Variants in OSBPL9 observed in about 807,000 individuals in gnomAD.
OSBPL9 encodes the protein oxysterol-binding protein-related protein 9.
Under a neutral mutation model 106.6 loss-of-function variants are expected in OSBPL9, and 40 were observed. The ratio of observed to expected loss-of-function variants is 0.38; its 90% CI spans 0.29 to 0.49. OSBPL9 has a LOEUF of 0.49. Ranked by LOEUF, OSBPL9 falls within the 20% of genes least tolerant of loss-of-function variation. The pLI is 0.97. For synonymous variants in OSBPL9, 269 were observed against 295.4 expected (o/e 0.91, Z 0.92); for missense variants, 609 against 887.2 (o/e 0.69, Z 3.98).
At chr1:51,744,057 T>C (rs1321464820) in intron 4 of OSBPL9, among the ~76,000 whole-genome samples, 1 of 152,210 alleles carries the variant, frequency 6.6e-6, no homozygotes. Context: ...TTTCTTGATA[T>C]GTATGTAAAA....
intron 1 of OSBPL9, among the ~76,000 whole-genome samples, chr1:51,641,440 A>G (rs982495432): frequency 1.3e-5 from 2 of 152,190 alleles, no homozygotes; most frequent in Non-Finnish European, 2.9e-5. Flanking sequence ...ATGTATTCCT[A>G]TAAATACATG....
At chr1:51,721,396 A>G (rs1170061699) in intron 4 of OSBPL9, among the ~76,000 whole-genome samples, 1 of 152,236 alleles carries the variant, frequency 6.6e-6, no homozygotes, top group Non-Finnish European at 1.5e-5. Context: ...CATTATCAAT[A>G]GAGACATTGT....
chr1:51,534,183 G>T, the OSBPL9 span, among the ~76,000 whole-genome samples: 2 of 150,384 alleles, frequency 1.3e-5, no homozygotes, highest in Non-Finnish European at 3.0e-5. Flanking sequence ...CAGCCTGGGC[G>T]ATAGAGTGAG....
At chr1:51,725,826 A>G (rs572760480) in intron 4 of OSBPL9, among the ~76,000 whole-genome samples, 130 of 152,206 alleles carry the variant, frequency 8.5e-4, no homozygotes, top group Non-Finnish European at 1.3e-3. Flanking sequence ...CCCCCTGCCC[A>G]TATTACTACA....
At chr1:51,712,284 C>G (rs542025984) in intron 3 of OSBPL9, among the ~76,000 whole-genome samples, 270 of 152,298 alleles carry the variant, frequency 1.8e-3, no homozygotes, top group Non-Finnish European at 3.3e-3. Flanking sequence ...CGCCTGCAAT[C>G]GCAGGCACTC....
chr1:51,663,280 G>A (rs752982515), intron 2 of OSBPL9, among the ~76,000 whole-genome samples: 19 of 143,930 alleles, frequency 1.3e-4, no homozygotes, highest in Admixed American at 2.9e-4. Flanking sequence ...AGTCATTTGA[G>A]TCATTATGCT....
At chr1:51,571,486 T>A in the OSBPL9 span, among the ~76,000 whole-genome samples, 1 of 152,008 alleles carries the variant, frequency 6.6e-6, no homozygotes. Context: ...GGCAACATAA[T>A]GAGACCTTGT....
chr1:51,580,927 T>A (rs1213984139), intron 1 of OSBPL9, among the ~76,000 whole-genome samples: 1 of 1,610 alleles, frequency 6.2e-4, no homozygotes, highest in Non-Finnish European at 1.5e-3. Context: ...TATATATATA[T>A]ATATATATAT....
rs372166331 is a variant in OSBPL9, at chr1:51,723,011, T to C, written c.318+8932T>C. Among the ~76,000 whole-genome samples the C allele has an allele frequency of 4.7e-4, 71 of 152,338 alleles. 3 individuals are homozygous for C. The South Asian group carries it at 0.012, about 25-fold the overall frequency. ...ACAACAACTTTATTTTTTAGAGCAG[T>C]TTGAGGTTCACAGCAAAATTGAGCA... On this transcript the variant is annotated intron_variant, in intron 4 of 23. Transcript: ENST00000428468.
chr1:51,768,827 AC>A (rs1673205925), intron 12 of OSBPL9, among the ~76,000 whole-genome samples: 1 of 152,152 alleles, frequency 6.6e-6, no homozygotes, highest in Admixed American at 6.5e-5. Context: ...CTCTCCCAGT[AC>A]CCTGTCCCAT....
intron 2 of OSBPL9, among the ~76,000 whole-genome samples, chr1:51,663,845 T>A (rs1374154349): frequency 1.3e-5 from 2 of 152,208 alleles, no homozygotes; most frequent in Non-Finnish European, 2.9e-5. Flanking sequence ...CTTAAACTAT[T>A]TCACAAAAGA....
intron 2 of OSBPL9, among the ~76,000 whole-genome samples, chr1:51,659,935 T>C (rs977277412): frequency 1.3e-5 from 2 of 152,110 alleles, no homozygotes; most frequent in Non-Finnish European, 2.9e-5. Flanking sequence ...AGTTTTTAAC[T>C]GAAACTATGG....
In OSBPL9 at chr1:51,667,570, GT is replaced by G. The variant is rs544097148; in HGVS notation, c.163-1860del. On this transcript the variant is annotated intron_variant, in intron 2 of 23. Transcript: ENST00000428468. ...CTGTATTATAGTCACCTCTTTGCAT[GT>G]TTTATCTCCTGTACTGGATATAAGT... Among the ~76,000 whole-genome samples, 206 of 152,242 alleles carry G rather than the reference GT, an allele frequency of 1.4e-3. 2 individuals are homozygous for G. The Middle Eastern group carries it at 0.017, about 13-fold the overall frequency.
intron 1 of OSBPL9, among the ~76,000 whole-genome samples, chr1:51,579,701 A>G (rs914194126): frequency 3.9e-5 from 6 of 152,000 alleles, no homozygotes; most frequent in African/African-American, 1.4e-4. Context: ...TCTCTACAAA[A>G]AATAGAAAAA....
Position 51,761,849 on chromosome 1 carries a change from T to C in OSBPL9, c.674-18T>C. On this transcript the variant is annotated intron_variant, in intron 10 of 23. Coordinates refer to ENST00000428468, the MANE Select transcript of OSBPL9 (RefSeq NM_024586.6). ...TTGGCTGTTTCTGTACCTTATTTTA[T>C]ACGTTCAAATCTCCTAGAACCTGTT... The C allele has an allele frequency of 1.9e-6, 3 of 1,560,322 alleles. No individual in the cohort carries two copies. Among genetic ancestry groups the C allele is most frequent in the Non-Finnish European group, 2.7e-6 (3 of 1,131,600 alleles).
At chr1:51,782,783 G>A in intron 17 of OSBPL9, 140 bp downstream of exon 17, 1 of 651,814 alleles carries the variant, frequency 1.5e-6, no homozygotes, top group Non-Finnish European at 2.5e-6. Context: ...GGAAACTCAA[G>A]TTGATTTGTT....
intron 3 of OSBPL9, among the ~76,000 whole-genome samples, chr1:51,699,775 C>A (rs183010610): frequency 1.2e-3 from 180 of 152,190 alleles, no homozygotes; most frequent in African/African-American, 4.1e-3. Context: ...GCTCCCAGGC[C>A]CTCTAGAGAG....
rs748443288 is a variant in OSBPL9 at position 51,784,310 on chromosome 1, C to T, written c.1671C>T (p.Phe557=). 4.3e-6 allele frequency: 7 copies of T among 1,613,830 alleles called. No individual in the cohort carries two copies. The Admixed American group carries it at 5.0e-5, about 12-fold the overall frequency. The change falls in exon 19 of 24, where the codon TTC becomes TTT. Residue 557 remains phenylalanine (F), a synonymous_variant. Transcript: ENST00000428468. ...ATGATGAACATTACATTCTCACATT[C>T]CCCAATGGCTATGGAAGGCAAGTGT... ...LDYDEHYILT[F]PNGYGRSILT... is the part of the protein sequence containing the mutation.
intron 4 of OSBPL9, among the ~76,000 whole-genome samples, chr1:51,720,427 G>A (rs1021343951): frequency 6.6e-6 from 1 of 151,570 alleles, no homozygotes; most frequent in African/African-American, 2.4e-5. Flanking sequence ...CCAGGTTCAA[G>A]CAATTCTCCT....
Sources: gnomAD v4.1 joint callset for allele counts (sites outside exome capture counted in the v4.1 genomes callset) on GRCh38, gnomAD v4.1.1 for gene constraint, MANE v1.5 for transcripts, NCBI Gene and HGNC (gene_info 2026-07-23, HGNC 2026-07-21) for gene names.